Variants in JPH1 observed in about 807,000 individuals in gnomAD.
The protein encoded by JPH1 is junctophilin-1.
In JPH1, 12 loss-of-function variants were observed where a neutral mutation model predicts 53.6. That is an observed-to-expected ratio of 0.22 (90% CI 0.14 to 0.36). JPH1 has a LOEUF of 0.36. JPH1 is among the 10% of genes least tolerant of loss of function. The pLI is 1.00. For missense variants in JPH1, 808 were observed against 905.5 expected (o/e 0.89, Z 1.38); for synonymous variants, 375 against 363.8 (o/e 1.03, Z -0.35).
At chr8:74,259,838 T>C (rs1806341289) in intron 2 of JPH1, among the ~76,000 whole-genome samples, 1 of 152,330 alleles carries the variant, frequency 6.6e-6, no homozygotes, top group East Asian at 1.9e-4. Flanking sequence ...CCTAAAATTA[T>C]GGAAAGTAGA....
At chr8:74,257,501 C>T (rs1192535512) in intron 3 of JPH1, among the ~76,000 whole-genome samples, 1 of 152,126 alleles carries the variant, frequency 6.6e-6, no homozygotes, top group Non-Finnish European at 1.5e-5. Context: ...CTTTCAAAGC[C>T]GCTCAAGCCC....
At chr8:74,305,738 C>T (rs1004563201) in intron 2 of JPH1, among the ~76,000 whole-genome samples, 2 of 152,190 alleles carry the variant, frequency 1.3e-5, no homozygotes, top group African/African-American at 4.8e-5. Context: ...CATTCATACC[C>T]TATACAGTCT....
chr8:74,300,258 A>C (rs1199017803), intron 2 of JPH1, among the ~76,000 whole-genome samples: 1 of 152,256 alleles, frequency 6.6e-6, no homozygotes, highest in Non-Finnish European at 1.5e-5. Flanking sequence ...AGCCATTTTG[A>C]CGTTTATATA....
chr8:74,245,395 C>A (rs1805828842), intron 3 of JPH1, among the ~76,000 whole-genome samples: 1 of 152,156 alleles, frequency 6.6e-6, no homozygotes, highest in Admixed American at 6.5e-5. Context: ...TAATTGCATT[C>A]TTTCTGCCTA....
chr8:74,247,325 A>G (rs1164496577), intron 3 of JPH1, among the ~76,000 whole-genome samples: 1 of 152,216 alleles, frequency 6.6e-6, no homozygotes, highest in African/African-American at 2.4e-5. Context: ...TTACTAAAAT[A>G]CCCATCTAGG....
At position 74,236,729 on chromosome 8, in the gene JPH1, C is replaced by T. The variant is rs1443660557; in HGVS notation, c.*322G>A. The T allele has an allele frequency of 6.6e-6, 1 of 152,532 alleles. No homozygotes were observed. Among genetic ancestry groups the T allele is most frequent in the Non-Finnish European group, 1.5e-5 (1 of 68,450 alleles). 9.4% of individuals were successfully genotyped at this position (152,532 alleles called of 1,614,324 possible). On this transcript the variant is annotated 3_prime_UTR_variant, in exon 6 of 6. Coordinates refer to ENST00000342232, the MANE Select transcript of JPH1 (RefSeq NM_020647.4). ...ACTCTGCTAGGACAGATGGAGTAGCCAATGCCAAGAACTTCGCCGGATGGG... is the reference window on the plus strand; with the variant it reads ...ACTCTGCTAGGACAGATGGAGTAGCTAATGCCAAGAACTTCGCCGGATGGG...
intron 2 of JPH1, among the ~76,000 whole-genome samples, chr8:74,306,893 G>A (rs1403303684): frequency 1.3e-5 from 2 of 151,924 alleles, no homozygotes; most frequent in Admixed American, 1.3e-4. Flanking sequence ...CACCACGCCC[G>A]GCCTACACTA....
chr8:74,295,602 T>A (rs890084935), intron 2 of JPH1, among the ~76,000 whole-genome samples: 11 of 152,114 alleles, frequency 7.2e-5, no homozygotes, highest in African/African-American at 2.7e-4. Context: ...GGGTAAGAAA[T>A]CTAAGGCTTA....
intron 2 of JPH1, among the ~76,000 whole-genome samples, chr8:74,290,339 AACAG>A (rs1367593338): frequency 2.0e-5 from 3 of 152,086 alleles, no homozygotes; most frequent in Non-Finnish European, 4.4e-5. Flanking sequence ...TATACACAAT[AACAG>A]ACAGAGAGCC....
At chr8:74,293,616 G>C (rs1306275458) in intron 2 of JPH1, among the ~76,000 whole-genome samples, 2 of 152,126 alleles carry the variant, frequency 1.3e-5, no homozygotes, top group Non-Finnish European at 2.9e-5. Context: ...TAAAAACCAG[G>C]CTGTCATGTT....
intron 2 of JPH1, among the ~76,000 whole-genome samples, chr8:74,266,025 T>C (rs2131400534): frequency 6.6e-6 from 1 of 150,988 alleles, no homozygotes; most frequent in Middle Eastern, 3.5e-3. Flanking sequence ...CCAGAGGGAA[T>C]GGAAAATGGT....
chr8:74,306,962 T>G (rs1807854881), intron 2 of JPH1, among the ~76,000 whole-genome samples: 1 of 132,886 alleles, frequency 7.5e-6, no homozygotes. Context: ...GAATAGTACC[T>G]GGGGCATAAC....
rs199709521 is a variant in JPH1, at chr8:74,245,180, C to A, written c.1259-5G>T. 12 of 1,497,714 alleles carry A rather than the reference C, an allele frequency of 8.0e-6. No individual in the cohort carries two copies. Among genetic ancestry groups the A allele is most frequent in the Non-Finnish European group, 9.6e-6 (11 of 1,142,008 alleles). The allele number at this position is 1,497,714 out of a possible 1,614,324, so 92.8% of individuals were successfully genotyped here. On this transcript the variant is annotated splice_polypyrimidine_tract_variant and splice_region_variant and intron_variant, in intron 3 of 5. Coordinates refer to ENST00000342232, the MANE Select transcript of JPH1 (RefSeq NM_020647.4). ...TCTGTTTGACGTAATCAGGGCCTGGCCAAAAAAAAAAGAAAAAAGAAAAAA... is the reference window on the plus strand; with the variant it reads ...TCTGTTTGACGTAATCAGGGCCTGGACAAAAAAAAAAGAAAAAAGAAAAAA...
intron 2 of JPH1, among the ~76,000 whole-genome samples, chr8:74,266,642 T>C (rs951621566): frequency 5.3e-5 from 8 of 152,196 alleles, no homozygotes; most frequent in East Asian, 3.8e-4. Context: ...TCTACTACTA[T>C]TGAAATGTAT....
intron 2 of JPH1, among the ~76,000 whole-genome samples, chr8:74,262,847 C>T (rs971167614): frequency 2.6e-5 from 4 of 152,162 alleles, no homozygotes; most frequent in African/African-American, 9.7e-5. Context: ...CTGCGGAGGT[C>T]AACTGTGACC....
chr8:74,265,630 A>G (rs953294812), intron 2 of JPH1, among the ~76,000 whole-genome samples: 3 of 152,200 alleles, frequency 2.0e-5, no homozygotes, highest in African/African-American at 2.4e-5. Context: ...CAAAAGTTCA[A>G]AAACATTACC....
chr8:74,272,899 C>T (rs1005510513), intron 2 of JPH1, among the ~76,000 whole-genome samples: 4 of 152,122 alleles, frequency 2.6e-5, no homozygotes, highest in South Asian at 2.1e-4. Context: ...CCACCGCGCC[C>T]GGCCGGACCC....
chr8:74,321,479 C>A lies in JPH1; in HGVS notation c.-192G>T. 1.9e-6 allele frequency: 1 copy of A among 513,076 alleles called. No homozygotes were observed. Among genetic ancestry groups the A allele is most frequent in the African/African-American group, 2.1e-5 (1 of 47,848 alleles). The allele number at this position is 513,076 out of a possible 1,614,324, so 31.8% of individuals were successfully genotyped here. A position where few individuals can be genotyped will look rare whatever the true frequency, so the allele number is the denominator to read the frequency against. On this transcript the variant is annotated 5_prime_UTR_variant, in exon 1 of 6. Transcript: ENST00000342232. The surrounding 1 kb of genome is among the most constrained non-coding windows in gnomAD (Gnocchi z 4.3). ...TCCTCTTTTGCCGCCGCCACCGCCG[C>A]CTTCCTCCTCCTCCTCCTCCTCCTT...
At chr8:74,284,442 T>C (rs938531850) in intron 2 of JPH1, among the ~76,000 whole-genome samples, 22 of 152,118 alleles carry the variant, frequency 1.4e-4, no homozygotes, top group Non-Finnish European at 1.6e-4. Context: ...ACTTGGGCAT[T>C]GCCTTATTTA....
Sources: allele counts gnomAD v4.1 joint callset (sites outside exome capture counted in the v4.1 genomes callset), GRCh38; gene constraint gnomAD v4.1.1; non-coding constraint Gnocchi (gnomAD v3.1); transcripts MANE v1.5; gene names NCBI Gene and HGNC (gene_info 2026-07-23, HGNC 2026-07-21).